Variants in DOCK9 observed in about 807,000 individuals in gnomAD.
The protein encoded by DOCK9 is dedicator of cytokinesis protein 9.
A neutral mutation model predicts 263.3 loss-of-function variants in DOCK9; 89 were observed. The ratio of observed to expected loss-of-function variants is 0.34; its 90% CI spans 0.28 to 0.40. DOCK9 has a LOEUF of 0.40. Ranked by LOEUF, DOCK9 falls within the 10% of genes least tolerant of loss-of-function variation. DOCK9 has a pLI of 1.00. For synonymous variants in DOCK9, 976 were observed against 973.1 expected, an observed-to-expected ratio of 1.00 and a Z score of -0.06; for missense variants, 2,140 against 2,603.4, an observed-to-expected ratio of 0.82 and a Z score of 3.87.
At chr13:98,837,470 C>T (rs767109098) in intron 39 of DOCK9, 24 bp downstream of exon 39, 3 of 1,545,940 alleles carry the variant, frequency 1.9e-6, no homozygotes, top group Admixed American at 1.7e-5. Context: ...AAACTAGAAC[C>T]ACGAACAGCA....
At chr13:98,885,636 A>T in intron 20 of DOCK9, 72 bp downstream of exon 20, 1 of 1,465,580 alleles carries the variant, frequency 6.8e-7, no homozygotes, top group Non-Finnish European at 9.1e-7. Flanking sequence ...ATGGAAATTC[A>T]GAATCTTAAT....
At chr13:98,823,710 G>C (rs2092399667) in intron 45 of DOCK9, among the ~76,000 whole-genome samples, 1 of 152,240 alleles carries the variant, frequency 6.6e-6, no homozygotes. Flanking sequence ...AATGCCAGCA[G>C]AAAACTGGCA....
At position 99,086,455 on chromosome 13, in the gene DOCK9, C is replaced by G. The variant is rs1260717259; in HGVS notation, c.-104G>C. ...CGCCCGGCCCGCTCCGCCCGCCGCT[C>G]CCGGCGCCGCCGCCGCCTGCTCCCC... On this transcript the variant is annotated 5_prime_UTR_variant, in exon 1 of 33. Coordinates refer to the DOCK9 transcript ENST00000427887. The G allele has an allele frequency of 4.0e-6, 3 of 757,620 alleles. No homozygotes were observed. In the African/African-American group the frequency reaches 5.8e-5, roughly 15 times the overall value. 46.9% of individuals were successfully genotyped at this position (757,620 alleles called of 1,614,324 possible).
intron 1 of DOCK9, among the ~76,000 whole-genome samples, chr13:99,051,523 G>T (rs2040694930): frequency 6.6e-6 from 1 of 151,906 alleles, no homozygotes; most frequent in African/African-American, 2.4e-5. Flanking sequence ...ATCCAAACAG[G>T]AAAGAAAAAT....
chr13:98,986,396 A>T (rs1375260477), intron 1 of DOCK9, among the ~76,000 whole-genome samples: 1 of 152,240 alleles, frequency 6.6e-6, no homozygotes, highest in Admixed American at 6.5e-5. Context: ...CTAGACTCGT[A>T]CTTCTGCAAA....
intron 50 of DOCK9, 55 bp from the exon 51 acceptor site, chr13:98,797,544 T>A: frequency 6.8e-7 from 1 of 1,475,158 alleles, no homozygotes; most frequent in Non-Finnish European, 9.3e-7. Flanking sequence ...ACCATGACCA[T>A]CTGCTCAGTT....
chr13:98,877,891 C>T lies in DOCK9; in HGVS notation c.2943+2007G>A, dbSNP rs536533590. ...CGTTACCATTGCATTTAAGGGATGA[C>T]GTTTATTTAGAGCCAAAAATAATAA... is the stretch of plus-strand genomic sequence containing the variant. On this transcript the variant is annotated intron_variant, in intron 27 of 52. Coordinates refer to ENST00000682017, the MANE Select transcript of DOCK9 (RefSeq NM_001366683.2). Among the ~76,000 whole-genome samples the T allele has an allele frequency of 5.9e-5, 9 of 152,262 alleles. No homozygotes were observed. In the East Asian group the frequency reaches 1.3e-3, roughly 23 times the overall value.
intron 2 of DOCK9, among the ~76,000 whole-genome samples, chr13:98,952,086 C>T (rs147037467): frequency 0.029 from 4,271 of 146,454 alleles, 89 homozygotes; most frequent in South Asian, 0.063. Context: ...TTAGTAGAGA[C>T]GGGGTTTTGC....
At chr13:99,085,302 C>G (rs1050322896) in intron 1 of DOCK9, among the ~76,000 whole-genome samples, 6 of 152,202 alleles carry the variant, frequency 3.9e-5, no homozygotes, top group African/African-American at 4.8e-5. Context: ...CAAACAAGCC[C>G]GTTTCAAGAA....
chr13:98,911,473 A>C (rs761172918), intron 9 of DOCK9, among the ~76,000 whole-genome samples: 7 of 152,250 alleles, frequency 4.6e-5, no homozygotes, highest in Admixed American at 1.3e-4. Flanking sequence ...ACATAATAGC[A>C]CACTAAGAAA....
intron 6 of DOCK9, among the ~76,000 whole-genome samples, 195 bp downstream of exon 6, chr13:98,921,856 C>T (rs1228512996): frequency 4.6e-5 from 7 of 152,114 alleles, no homozygotes; most frequent in African/African-American, 1.2e-4. Context: ...TGCTGGTGGT[C>T]AGAAGACAGT....
At chr13:98,973,576 C>T (rs890140928) in intron 1 of DOCK9, among the ~76,000 whole-genome samples, 15 of 152,154 alleles carry the variant, frequency 9.9e-5, no homozygotes, top group African/African-American at 3.4e-4. Context: ...ATATGAGCCA[C>T]CCAAAAGGTG....
intron 1 of DOCK9, among the ~76,000 whole-genome samples, chr13:99,031,986 T>A (rs114296417): frequency 6.6e-6 from 1 of 152,186 alleles, no homozygotes; most frequent in Non-Finnish European, 1.5e-5. Context: ...GATTTCATAA[T>A]AGCCAGTACC....
chr13:98,824,513 A>T lies in DOCK9; in HGVS notation c.5024-9T>A. On this transcript the variant is annotated splice_polypyrimidine_tract_variant and intron_variant, in intron 44 of 52. Coordinates refer to ENST00000682017, the MANE Select transcript of DOCK9 (RefSeq NM_001366683.2). ...TCCTTGTCTAAACACGCCTAGGAAGAGAGGAAGGAGGGACAGTCAGAGTTA... is the reference window on the plus strand; with the variant it reads ...TCCTTGTCTAAACACGCCTAGGAAGTGAGGAAGGAGGGACAGTCAGAGTTA... 1.9e-6 allele frequency: 3 copies of T among 1,612,552 alleles called. No homozygotes were observed. The highest frequency in any genetic ancestry group is 2.5e-6 in the Non-Finnish European group (3 of 1,178,820).
intron 1 of DOCK9, among the ~76,000 whole-genome samples, chr13:98,966,104 G>T (rs1221706863): frequency 6.6e-6 from 1 of 152,260 alleles, no homozygotes; most frequent in Non-Finnish European, 1.5e-5. Flanking sequence ...CGTCAGCTGT[G>T]CTCGCTGGGG....
chr13:99,027,319 C>T (rs1037954591), intron 1 of DOCK9, among the ~76,000 whole-genome samples: 2 of 152,138 alleles, frequency 1.3e-5, no homozygotes, highest in Non-Finnish European at 2.9e-5. Context: ...CATCCGGCCT[C>T]ATTTAATCTT....
chr13:98,920,283 C>G (rs2051717901), intron 7 of DOCK9, among the ~76,000 whole-genome samples: 1 of 152,150 alleles, frequency 6.6e-6, no homozygotes, highest in South Asian at 2.1e-4. Context: ...TACATAAGCC[C>G]TATGATATAA....
At chr13:98,798,913 A>G (rs1235591122) in intron 50 of DOCK9, among the ~76,000 whole-genome samples, 2 of 152,154 alleles carry the variant, frequency 1.3e-5, no homozygotes, top group African/African-American at 4.8e-5. Context: ...ACAAAGCTCA[A>G]TGGTCCAGCC....
intron 22 of DOCK9, 63 bp downstream of exon 22, chr13:98,883,750 T>C: frequency 8.9e-7 from 1 of 1,122,560 alleles, no homozygotes. Context: ...TTTTTCTTCT[T>C]GCAAAATGGT....
Sources: allele counts gnomAD v4.1 joint callset (sites outside exome capture counted in the v4.1 genomes callset), GRCh38; gene constraint gnomAD v4.1.1; transcripts MANE v1.5; gene names NCBI Gene and HGNC (gene_info 2026-07-23, HGNC 2026-07-21).